DNAH8: variants seen among roughly 807,000 people sequenced by gnomAD.
DNAH8 encodes the protein dynein axonemal heavy chain 8.
DNAH8 carries 382 observed loss-of-function variants against 562.1 expected under a neutral mutation model. The observed-to-expected ratio is 0.68, with a 90% CI of 0.63 to 0.74. DNAH8 has a LOEUF of 0.74. Ranked by LOEUF, DNAH8 falls within the 30% of genes least tolerant of loss-of-function variation. DNAH8 has a pLI of 0.00. For missense variants in DNAH8, 5,203 were observed against 5,620.4 expected (o/e 0.93, Z 2.37); for synonymous variants, 1,881 against 1,919.4 (o/e 0.98, Z 0.52).
chr6:38,877,139 C>A (rs1266556044), intron 53 of DNAH8, among the ~76,000 whole-genome samples: 4 of 152,170 alleles, frequency 2.6e-5, no homozygotes, highest in Non-Finnish European at 5.9e-5. Flanking sequence ...CAGATTGCCT[C>A]CCTCTGAGTG....
At chr6:38,795,732 G>A (rs574576693) in intron 21 of DNAH8, among the ~76,000 whole-genome samples, 13 of 152,138 alleles carry the variant, frequency 8.5e-5, no homozygotes, top group Admixed American at 4.6e-4. Flanking sequence ...AGCAAGTGGC[G>A]TTATAGTGAA....
At chr6:38,738,349 C>T (rs571934425) in intron 7 of DNAH8, among the ~76,000 whole-genome samples, 18 of 152,218 alleles carry the variant, frequency 1.2e-4, no homozygotes, top group African/African-American at 3.9e-4. Context: ...ACCTCTTGTT[C>T]GATCAGTGGA....
At chr6:38,957,657 A>G (rs1193988234) in intron 82 of DNAH8, among the ~76,000 whole-genome samples, 2 of 152,076 alleles carry the variant, frequency 1.3e-5, no homozygotes, top group Non-Finnish European at 2.9e-5. Context: ...GAATGAAACT[A>G]GAAATCAGTA....
At chr6:38,872,296 A>T (rs1194715213) in intron 49 of DNAH8, among the ~76,000 whole-genome samples, 1 of 152,208 alleles carries the variant, frequency 6.6e-6, no homozygotes, top group Non-Finnish European at 1.5e-5. Flanking sequence ...ATGCTGAGTT[A>T]ATTATTTCCA....
intron 62 of DNAH8, among the ~76,000 whole-genome samples, chr6:38,901,155 A>G (rs1780051134): frequency 6.6e-6 from 1 of 151,660 alleles, no homozygotes; most frequent in Admixed American, 6.6e-5. Context: ...TTGCTCAGTT[A>G]TTGATTTGCC....
chr6:38,796,356 G>C (rs535371862), intron 21 of DNAH8, among the ~76,000 whole-genome samples: 1 of 152,132 alleles, frequency 6.6e-6, no homozygotes, highest in East Asian at 1.9e-4. Flanking sequence ...CCAAGTCCTA[G>C]GGATGCTAGC....
At position 39,030,253 on chromosome 6, in the gene DNAH8, C is replaced by G; in HGVS notation, c.13985C>G (p.Pro4662Arg). The change falls in exon 93 of 93, where the codon CCC (proline) becomes CGC (arginine). Residue 4662 changes from proline (P) to arginine (R), a missense_variant. Physicochemically the swap from Pro to Arg is moderately radical, Grantham distance 103 (BLOSUM62 -2). Around this residue, in one of 6 missense-constraint regions of DNAH8, gnomAD observed 1,399 missense variants for 1,518.4 expected, o/e 0.92. Transcript: ENST00000327475. ...ATTAACTCCACGGCACCCAAGGACC[C>G]CAAGCTGTATGTGTGTCCTATTTAC... The part of the protein sequence containing the change: ...FAINSTAPKD[P>R]KLYVCPIYKK... 6.2e-7 allele frequency: 1 copy of G among 1,614,154 alleles called. No homozygotes were observed. Among genetic ancestry groups the G allele is most frequent in the Non-Finnish European group, 8.5e-7 (1 of 1,180,034 alleles).
In DNAH8 at chr6:38,815,494, T is replaced by G. The variant is rs748168815; in HGVS notation, c.3360T>G (p.Ile1120Met). 6.2e-6 allele frequency: 10 copies of G among 1,613,756 alleles called. No homozygotes were observed. The highest frequency in any genetic ancestry group is 8.5e-6 in the Non-Finnish European group (10 of 1,179,850). Residue 1120 changes from isoleucine (I) to methionine (M), a missense_variant, in exon 26 of 93, where the codon ATT (isoleucine) becomes ATG (methionine). Around this residue, in one of 6 missense-constraint regions of DNAH8, gnomAD observed 2,176 missense variants for 2,365.1 expected, o/e 0.92. Coordinates refer to ENST00000327475, the MANE Select transcript of DNAH8 (RefSeq NM_001206927.2). ...TGATGATTCCTAGTTTGGATGACAT[T>G]CAACAAGCCATTAACCGTATGATCC... Reference protein sequence around the residue: ...NVVMIPSLDDIQQAINRMIQL... With the variant: ...NVVMIPSLDDMQQAINRMIQL...
At chr6:38,749,895 G>T (rs577642691) in intron 8 of DNAH8, among the ~76,000 whole-genome samples, 2 of 152,076 alleles carry the variant, frequency 1.3e-5, no homozygotes, top group African/African-American at 4.8e-5. Flanking sequence ...GCAGTGGCGC[G>T]ATCTCTGGCT....
intron 33 of DNAH8, among the ~76,000 whole-genome samples, chr6:38,841,852 G>A (rs1252519330): frequency 1.3e-5 from 2 of 151,984 alleles, no homozygotes; most frequent in Non-Finnish European, 2.9e-5. Context: ...CAAGTAGCTG[G>A]GACTACAGTC....
In DNAH8 at chr6:38,779,974, AG is replaced by A. The variant is rs1468078088; in HGVS notation, c.2049del (p.Lys683AsnfsTer2). On this transcript the variant is annotated frameshift_variant, in exon 15 of 93. Coordinates refer to ENST00000327475, the MANE Select transcript of DNAH8 (RefSeq NM_001206927.2). LOFTEE classifies it high-confidence loss of function. ...QALQLLQRFQ[K>X]LNIPCLGLEI... The stretch of plus-strand genomic sequence containing the variant: ...GCTTTGATTACTTTTAGGTTTCAGA[AG>A]CTGAACATTCCCTGTCTGGGATTAG... 1.2e-6 allele frequency: 2 copies of A among 1,613,966 alleles called. No homozygotes were observed. The highest frequency in any genetic ancestry group is 2.2e-5 in the South Asian group (2 of 91,080).
chr6:38,979,451 A>C (rs1228241902), intron 85 of DNAH8, among the ~76,000 whole-genome samples: 1 of 152,172 alleles, frequency 6.6e-6, no homozygotes. Flanking sequence ...TGATCTTCCA[A>C]ATGAGTTCTT....
At chr6:38,724,957 A>C (rs9470923) in intron 3 of DNAH8, among the ~76,000 whole-genome samples, 2,255 of 152,182 alleles carry the variant, frequency 0.015, 42 homozygotes, top group South Asian at 0.11. Flanking sequence ...AAACATGGGC[A>C]AAACTCTTTA....
chr6:38,899,313 A>T (rs1779908262), intron 61 of DNAH8, among the ~76,000 whole-genome samples: 1 of 152,224 alleles, frequency 6.6e-6, no homozygotes. Context: ...TACTTAAAAA[A>T]ATTTGTTGGC....
intron 17 of DNAH8, 80 bp from the exon 18 acceptor site, chr6:38,786,685 G>T: frequency 7.0e-7 from 1 of 1,438,348 alleles, no homozygotes; most frequent in Admixed American, 2.2e-5. Context: ...GTAATCCAGG[G>T]GGCAAGACAG....
chr6:38,911,429 A>C (rs758339201), intron 65 of DNAH8, 39 bp from the exon 66 acceptor site: 1 of 1,421,168 alleles, frequency 7.0e-7, no homozygotes, highest in African/African-American at 1.4e-5. Flanking sequence ...GGGAGTACGC[A>C]CAATGATTGA....
rs2150343153 is a variant in DNAH8 at position 38,826,275 on chromosome 6, T to C, written c.3967T>C (p.Leu1323=). The change falls in exon 29 of 93, where the codon TTG becomes CTG. Residue 1323 remains leucine, a synonymous_variant. Coordinates refer to ENST00000327475, the MANE Select transcript of DNAH8 (RefSeq NM_001206927.2). ...SYMIAFINEY[L]KKLSRPIRDL... ...CATGATAGCATTTATTAATGAATAC[T>C]TGAAAAAGTTATCTAGACCTATTCG... 6.2e-7 allele frequency: 1 copy of C among 1,613,594 alleles called. No homozygotes were observed. Among genetic ancestry groups the C allele is most frequent in the Non-Finnish European group, 8.5e-7 (1 of 1,179,620 alleles).
rs1045837707 is a variant in DNAH8 at position 39,008,933 on chromosome 6, T to C, written c.13334T>C (p.Met4445Thr). Reference protein sequence around the residue: ...EAIVYRLSEDMLSKLPPDYIP... With the variant: ...EAIVYRLSEDTLSKLPPDYIP... ...ATTGTTTATAGATTATCTGAAGATA[T>C]GCTGAGTAAACTCCCTCCTGATTAC... Residue 4445 changes from methionine (M) to threonine (T), a missense_variant, in exon 89 of 93, where the codon ATG becomes ACG. This residue lies in a region of DNAH8 where 1,399 missense variants were observed against 1,518.4 expected (regional missense o/e 0.92). Transcript: ENST00000327475. 6.2e-7 allele frequency: 1 copy of C among 1,611,854 alleles called. No homozygotes were observed. Among genetic ancestry groups the C allele is most frequent in the Admixed American group, 1.7e-5 (1 of 59,952 alleles).
At chr6:38,784,999 C>T (rs919133103) in intron 17 of DNAH8, among the ~76,000 whole-genome samples, 14 of 152,140 alleles carry the variant, frequency 9.2e-5, no homozygotes, top group Non-Finnish European at 1.5e-4. Flanking sequence ...AGTTTGTTCC[C>T]CTTGAGAACA....
Sources: gnomAD v4.1 joint callset for allele counts (sites outside exome capture counted in the v4.1 genomes callset) on GRCh38, gnomAD v4.1.1 for gene constraint, gnomAD v4.1.1 regional missense constraint, MANE v1.5 for transcripts, NCBI Gene and HGNC (gene_info 2026-07-23, HGNC 2026-07-21) for gene names.